SMIM23: variants seen among roughly 807,000 people sequenced by gnomAD.
SMIM23 encodes CTB-78H18.1.
A neutral mutation model predicts 12.8 loss-of-function variants in SMIM23; 10 were observed. The ratio of observed to expected loss-of-function variants is 0.78; its 90% confidence interval spans 0.48 to 1.32. The LOEUF (loss-of-function observed/expected upper bound fraction) is 1.32, where lower values mean the gene tolerates loss of function less well. Ranked by LOEUF, SMIM23 falls within the 40% of genes most tolerant of loss-of-function variation. The pLI is 0.00. For synonymous variants in SMIM23, 78 were observed against 80.1 expected (o/e 0.97, Z 0.14); for missense variants, 184 against 198.2 (o/e 0.93, Z 0.43).
upstream of SMIM23, among the ~76,000 whole-genome samples, chr5:171,780,537 T>A (rs551112993): frequency 6.6e-6 from 1 of 152,370 alleles, no homozygotes; most frequent in African/African-American, 2.4e-5. Context: ...TCATTACTTT[T>A]TTTGTGTGTG....
upstream of SMIM23, among the ~76,000 whole-genome samples, chr5:171,779,601 A>G (rs254916): frequency 0.7 from 106,466 of 152,046 alleles, 38,372 homozygotes; most frequent in African/African-American, 0.89. Context: ...TCTTCCTTCC[A>G]TAGTCCCCAC....
chr5:171,790,671 A>G (rs537341918), intron 3 of SMIM23, 122 bp downstream of exon 3: 3 of 1,367,056 alleles, frequency 2.2e-6, no homozygotes, highest in South Asian at 2.6e-5. Flanking sequence ...AGGTGGGAAC[A>G]GGTACTACGA....
the SMIM23 span, chr5:171,774,256 G>T: frequency 2.6e-6 from 1 of 379,788 alleles, no homozygotes; most frequent in Non-Finnish European, 5.2e-6. Context: ...CTCCACCCTG[G>T]CCCATCCCAT....
the SMIM23 span, chr5:171,774,583 C>A: frequency 2.2e-6 from 1 of 456,066 alleles, no homozygotes; most frequent in Non-Finnish European, 4.4e-6. Context: ...CCATGGCACA[C>A]TGTCCCTACC....
chr5:171,790,646 C>T, intron 3 of SMIM23, 97 bp downstream of exon 3: 1 of 1,389,636 alleles, frequency 7.2e-7, no homozygotes, highest in Non-Finnish European at 9.8e-7. Context: ...TAAGTAGTCG[C>T]TTGTCAAGTG....
chr5:171,781,905 T>G (rs7718277), upstream of SMIM23, among the ~76,000 whole-genome samples: 42,209 of 152,042 alleles, frequency 0.28, 6,062 homozygotes, highest in East Asian at 0.4. Context: ...CTGTAAAAAA[T>G]GCACAGTCAG....
chr5:171,773,338 C>T, the SMIM23 span, among the ~76,000 whole-genome samples: 1 of 99,308 alleles, frequency 1.0e-5, no homozygotes, highest in Admixed American at 9.0e-5. Context: ...AGTCTTACGT[C>T]CACCATGGTA....
At chr5:171,779,634 A>G (rs907927132), upstream of SMIM23, among the ~76,000 whole-genome samples, 2 of 152,148 alleles carry the variant, frequency 1.3e-5, no homozygotes, top group African/African-American at 4.8e-5. Context: ...AGGCTTGCCA[A>G]TTATGTCATC....
In SMIM23 at chr5:171,790,403, T is replaced by C. The variant is rs1041788826; in HGVS notation, c.158-79T>C. ...CCCACCTTCTCCCACTGACCCTTCA[T>C]CACACTGGGATAACTAACCATGTTT... On this transcript the variant is annotated intron_variant, in intron 2 of 3. Transcript: ENST00000523047. 13 of 1,510,888 alleles carry C rather than the reference T, an allele frequency of 8.6e-6. No homozygotes were observed. In the Admixed American group the frequency reaches 9.8e-5, roughly 11 times the overall value. 93.6% of individuals were successfully genotyped at this position (1,510,888 alleles called of 1,614,324 possible). A position where few individuals can be genotyped will look rare whatever the true frequency, so the allele number is the denominator to read the frequency against.
At chr5:171,776,096 C>T in the SMIM23 span, among the ~76,000 whole-genome samples, 6 of 152,206 alleles carry the variant, frequency 3.9e-5, no homozygotes, top group African/African-American at 1.4e-4. Flanking sequence ...GTCTTGAACT[C>T]CTGACCTCAG....
chr5:171,784,837 C>T (rs1294430064), upstream of SMIM23, among the ~76,000 whole-genome samples: 1 of 152,114 alleles, frequency 6.6e-6, no homozygotes, highest in Non-Finnish European at 1.5e-5. Flanking sequence ...TCACAAAATA[C>T]TACACAGCAG....
At chr5:171,773,667 C>A in the SMIM23 span, 2 of 398,978 alleles carry the variant, frequency 5.0e-6, no homozygotes, top group South Asian at 1.9e-5. Context: ...CCCTCAAGAC[C>A]AGGCAGGCAT....
chr5:171,773,654 AT>A, the SMIM23 span: 2 of 386,104 alleles, frequency 5.2e-6, no homozygotes, highest in Non-Finnish European at 1.0e-5. Context: ...CTCAAGCCAG[AT>A]GCCCTCAAGA....
upstream of SMIM23, among the ~76,000 whole-genome samples, chr5:171,781,776 C>G (rs1344955434): frequency 6.6e-6 from 1 of 152,196 alleles, no homozygotes; most frequent in African/African-American, 2.4e-5. Context: ...GTGAGGCCAG[C>G]TGGACTCCCT....
intron 1 of SMIM23, among the ~76,000 whole-genome samples, chr5:171,786,583 G>T (rs940733497): frequency 4.6e-5 from 7 of 152,204 alleles, no homozygotes; most frequent in Non-Finnish European, 1.0e-4. Flanking sequence ...CTGAGCAAGG[G>T]TTTATTCTGA....
chr5:171,774,586 T>C, the SMIM23 span: 1 of 455,868 alleles, frequency 2.2e-6, no homozygotes, highest in East Asian at 7.0e-5. Context: ...TGGCACACTG[T>C]CCCTACCCTG....
At chr5:171,773,272 T>C in the SMIM23 span, among the ~76,000 whole-genome samples, 1 of 152,222 alleles carries the variant, frequency 6.6e-6, no homozygotes, top group South Asian at 2.1e-4. Flanking sequence ...AATGAGATGA[T>C]ACTCCCATGA....
chr5:171,775,732 A>G, the SMIM23 span, among the ~76,000 whole-genome samples: 15 of 152,352 alleles, frequency 9.8e-5, no homozygotes, highest in Non-Finnish European at 1.8e-4. Context: ...AAGGGAATGA[A>G]TGCAAAGTGC....
upstream of SMIM23, among the ~76,000 whole-genome samples, chr5:171,778,447 TCACACACACA>T (rs4041455): frequency 0.01 from 1,462 of 141,614 alleles, 17 homozygotes; most frequent in African/African-American, 0.032. Flanking sequence ...TGGGAAAATT[TCACACACACA>T]CACACACACA....
Sources: gnomAD v4.1 joint callset for allele counts (sites outside exome capture counted in the v4.1 genomes callset) on GRCh38, gnomAD v4.1.1 for gene constraint, MANE v1.5 for transcripts, NCBI Gene and HGNC (gene_info 2026-07-23, HGNC 2026-07-21) for gene names.